LRGUK: variants seen among roughly 807,000 people sequenced by gnomAD.
The protein encoded by LRGUK is leucine-rich repeat and guanylate kinase domain-containing protein.
A neutral mutation model predicts 76.0 loss-of-function variants in LRGUK; 65 were observed. The observed-to-expected ratio is 0.85, with a 90% CI of 0.70 to 1.05. The LOEUF (loss-of-function observed/expected upper bound fraction) is 1.05, where lower values mean the gene tolerates loss of function less well. Among genes scored for constraint, LRGUK ranks in the 50% least tolerant of loss-of-function variants. The probability of loss-of-function intolerance (pLI) is 0.00; values close to 1 mark genes in which losing one functional copy is unlikely to be tolerated. For missense variants in LRGUK, 758 were observed against 732.8 expected (o/e 1.03, Z -0.40); for synonymous variants, 268 against 265.6 (o/e 1.01, Z -0.09).
chr7:134,276,654 A>G, the LRGUK span, among the ~76,000 whole-genome samples: 2 of 152,172 alleles, frequency 1.3e-5, no homozygotes, highest in South Asian at 2.1e-4. Context: ...TTCTAAGAGG[A>G]TATTTTTCAC....
intron 15 of LRGUK, among the ~76,000 whole-genome samples, chr7:134,218,830 A>G (rs1226473358): frequency 6.6e-6 from 1 of 152,230 alleles, no homozygotes; most frequent in Non-Finnish European, 1.5e-5. Flanking sequence ...TATGTCTAAC[A>G]TAAAAGATCT....
At chr7:134,232,497 C>T (rs927724813) in intron 16 of LRGUK, among the ~76,000 whole-genome samples, 1 of 152,086 alleles carries the variant, frequency 6.6e-6, no homozygotes, top group Non-Finnish European at 1.5e-5. Context: ...CCAGGCTGGC[C>T]TCGAACTCCT....
chr7:134,263,419 C>CTGTGTGTGTGTGTGTGCGTGTGTGTGTG (rs60637538), intron 19 of LRGUK, among the ~76,000 whole-genome samples: 1 of 149,512 alleles, frequency 6.7e-6, no homozygotes, highest in Non-Finnish European at 1.5e-5. Flanking sequence ...GTGTGTGTGT[C>CTGTGTGTGTGTGTGTGCGTGTGTGTGTG]TGTGTGCATG....
downstream of LRGUK, among the ~76,000 whole-genome samples, chr7:134,215,217 CAA>C (rs796204475): frequency 2.9e-5 from 4 of 136,682 alleles, no homozygotes; most frequent in African/African-American, 8.0e-5. Flanking sequence ...AAACACCTGG[CAA>C]AAAAAAAAAA....
chr7:134,161,050 C>T (rs79499527), intron 6 of LRGUK, among the ~76,000 whole-genome samples: 4 of 152,062 alleles, frequency 2.6e-5, no homozygotes, highest in Non-Finnish European at 4.4e-5. Context: ...TCACTATTCT[C>T]ATGTCATCTA....
chr7:134,220,861 C>CT (rs1423635420), intron 15 of LRGUK, among the ~76,000 whole-genome samples: 6 of 152,072 alleles, frequency 3.9e-5, no homozygotes, highest in Non-Finnish European at 8.8e-5. Context: ...TGAGCCATTG[C>CT]ACCTGGCCAA....
intron 7 of LRGUK, among the ~76,000 whole-genome samples, chr7:134,167,506 G>A (rs147064818): frequency 1.1e-4 from 16 of 152,228 alleles, no homozygotes; most frequent in East Asian, 1.9e-4. Context: ...GTAGAGTGCC[G>A]GCCGTTGAAC....
At chr7:134,192,901 T>C (rs1457619303) in intron 12 of LRGUK, among the ~76,000 whole-genome samples, 1 of 152,212 alleles carries the variant, frequency 6.6e-6, no homozygotes, top group Admixed American at 6.5e-5. Context: ...GATTCCCTTA[T>C]AGCTACATAT....
chr7:134,173,797 G>A (rs1431042256), intron 7 of LRGUK, among the ~76,000 whole-genome samples: 2 of 152,136 alleles, frequency 1.3e-5, no homozygotes, highest in Admixed American at 6.5e-5. Flanking sequence ...TGGAAAAAGT[G>A]ATAAAGCCAT....
At chr7:134,232,935 T>C (rs1248325421) in intron 16 of LRGUK, among the ~76,000 whole-genome samples, 1 of 152,214 alleles carries the variant, frequency 6.6e-6, no homozygotes, top group East Asian at 1.9e-4. Flanking sequence ...AAGAGAATCT[T>C]AGAGAACTGT....
At chr7:134,134,608 C>G (rs1043436477) in intron 1 of LRGUK, among the ~76,000 whole-genome samples, 1 of 152,186 alleles carries the variant, frequency 6.6e-6, no homozygotes, top group African/African-American at 2.4e-5. Flanking sequence ...TAAGCATCCA[C>G]CTGCTCTAAG....
intron 18 of LRGUK, among the ~76,000 whole-genome samples, chr7:134,256,541 A>G (rs908498182): frequency 6.6e-6 from 1 of 151,942 alleles, no homozygotes; most frequent in Non-Finnish European, 1.5e-5. Context: ...TCATTCCTGA[A>G]GTTTACTTTG....
chr7:134,156,868 AAG>A (rs1798482395), intron 5 of LRGUK, among the ~76,000 whole-genome samples: 1 of 152,202 alleles, frequency 6.6e-6, no homozygotes, highest in African/African-American at 2.4e-5. Context: ...GAAATCATTA[AAG>A]AGATATTTTA....
At chr7:134,178,686 A>G in intron 10 of LRGUK, 77 bp downstream of exon 10, 2 of 1,071,294 alleles carry the variant, frequency 1.9e-6, no homozygotes, top group Non-Finnish European at 2.7e-6. Flanking sequence ...CCTAACCCCT[A>G]TTTTGTGACC....
intron 15 of LRGUK, among the ~76,000 whole-genome samples, chr7:134,208,154 G>A (rs533627934): frequency 3.9e-5 from 6 of 152,226 alleles, no homozygotes; most frequent in South Asian, 2.1e-4. Flanking sequence ...CTGTCCGGCC[G>A]ATTCTTTCCT....
At chr7:134,256,010 C>G (rs1425121960) in intron 18 of LRGUK, among the ~76,000 whole-genome samples, 1 of 152,092 alleles carries the variant, frequency 6.6e-6, no homozygotes, top group Admixed American at 6.5e-5. Flanking sequence ...AAACAAGCCC[C>G]CTGTCGCCTG....
At chr7:134,249,034 A>G in exon 18 of LRGUK, 1 of 1,598,386 alleles carries the variant, frequency 6.3e-7, no homozygotes, top group Non-Finnish European at 8.5e-7. Context: ...GATCTTTGTG[A>G]AGACTATTTT....
At chr7:134,154,340 G>A (rs1372506187) in intron 5 of LRGUK, among the ~76,000 whole-genome samples, 1 of 152,194 alleles carries the variant, frequency 6.6e-6, no homozygotes, top group Non-Finnish European at 1.5e-5. Flanking sequence ...ATGTTAGGAG[G>A]AAGGGCAAGT....
chr7:134,141,898 T>C (rs1797781139), intron 3 of LRGUK, among the ~76,000 whole-genome samples: 1 of 152,162 alleles, frequency 6.6e-6, no homozygotes, highest in Non-Finnish European at 1.5e-5. Flanking sequence ...TTACATTTAG[T>C]AAGGAAGGGC....
Sources: gnomAD v4.1 joint callset for allele counts (sites outside exome capture counted in the v4.1 genomes callset) on GRCh38, gnomAD v4.1.1 for gene constraint, MANE v1.5 for transcripts, NCBI Gene and HGNC (gene_info 2026-07-23, HGNC 2026-07-21) for gene names.